The following SVIL variants were observed in gnomAD, a reference collection of about 807,000 sequenced individuals.
The protein encoded by SVIL is archvillin.
A neutral mutation model predicts 240.4 loss-of-function variants in SVIL; 101 were observed. That is an observed-to-expected ratio of 0.42 (90% CI 0.36 to 0.50). The LOEUF (loss-of-function observed/expected upper bound fraction) is 0.50. Among genes scored for constraint, SVIL ranks in the 20% least tolerant of loss-of-function variants. SVIL has a pLI of 0.01. For synonymous variants in SVIL, 999 were observed against 1,100.0 expected (o/e 0.91, Z 1.82); for missense variants, 2,512 against 2,818.7 (o/e 0.89, Z 2.46).
chr10:29,649,678 A>G (rs1330666356), intron 3 of SVIL, among the ~76,000 whole-genome samples: 1 of 152,212 alleles, frequency 6.6e-6, no homozygotes, highest in Non-Finnish European at 1.5e-5. Flanking sequence ...GTACACACAC[A>G]CACACACATC....
intron 1 of SVIL, among the ~76,000 whole-genome samples, chr10:29,716,523 A>T (rs1174147395): frequency 2.0e-5 from 3 of 152,232 alleles, no homozygotes; most frequent in African/African-American, 7.2e-5. Context: ...GTGGCAGAGC[A>T]AAAGGAGAAA....
chr10:29,698,778 A>G (rs1962282049), intron 1 of SVIL, among the ~76,000 whole-genome samples: 1 of 152,080 alleles, frequency 6.6e-6, no homozygotes, highest in Non-Finnish European at 1.5e-5. Flanking sequence ...AAAGAAGTCT[A>G]GGCGCTAGGT....
At chr10:29,713,113 T>C (rs964434045) in intron 1 of SVIL, among the ~76,000 whole-genome samples, 3 of 151,978 alleles carry the variant, frequency 2.0e-5, no homozygotes, top group Non-Finnish European at 2.9e-5. Flanking sequence ...TGGGAGGCAG[T>C]TGCAGTGAGC....
At chr10:29,677,518 A>G (rs1409164108) in intron 2 of SVIL, among the ~76,000 whole-genome samples, 1 of 152,072 alleles carries the variant, frequency 6.6e-6, no homozygotes, top group East Asian at 1.9e-4. Context: ...CATGCAATGG[A>G]GCCCACGTAA....
Position 29,552,140 on chromosome 10 carries a change from A to C in SVIL, c.161-877T>G, listed in dbSNP as rs1189472652. On this transcript the variant is annotated intron_variant, in intron 5 of 37. Coordinates refer to ENST00000355867, the MANE Select transcript of SVIL (RefSeq NM_021738.3). ...CTCAAAAAACAAAACAAAAAAAAAA[A>C]CCTATCAATCATCACCCTACAAACT... 3.3e-5 allele frequency among the ~76,000 whole-genome samples: 5 copies of C among 149,932 alleles called. No homozygotes were observed. The South Asian group carries it at 6.4e-4, about 19-fold the overall frequency.
At chr10:29,586,396 T>G (rs1470886214) in intron 1 of SVIL, among the ~76,000 whole-genome samples, 1 of 152,182 alleles carries the variant, frequency 6.6e-6, no homozygotes. Flanking sequence ...TGATCACTAG[T>G]GATTGCCCAC....
intron 1 of SVIL, among the ~76,000 whole-genome samples, chr10:29,578,492 A>G (rs2132754513): frequency 6.6e-6 from 1 of 152,344 alleles, no homozygotes; most frequent in East Asian, 1.9e-4. Flanking sequence ...ATGGTCACCA[A>G]GATCCTTGAT....
chr10:29,644,405 A>G lies in SVIL; in HGVS notation c.-201+13564T>C, dbSNP rs377569993. On this transcript the variant is annotated intron_variant, in intron 3 of 35. Transcript: ENST00000375400. Reference sequence around the variant, plus strand: ...CTCTGAGCATGTTCTCCCAGCCCCAAGGACCGAGAAACCCCACATCCCCTG... The same window carrying G: ...CTCTGAGCATGTTCTCCCAGCCCCAGGGACCGAGAAACCCCACATCCCCTG... Among the ~76,000 whole-genome samples, 5 of 152,166 alleles carry G rather than the reference A, an allele frequency of 3.3e-5. No individual in the cohort carries two copies. The East Asian group carries it at 5.8e-4, about 18-fold the overall frequency.
intron 1 of SVIL, among the ~76,000 whole-genome samples, chr10:29,733,971 A>G (rs1292039787): frequency 3.3e-5 from 5 of 152,220 alleles, no homozygotes; most frequent in African/African-American, 1.2e-4. Context: ...GTGGGCCATT[A>G]TTTCCAAAGC....
At chr10:29,535,568 A>C (rs961783376) in intron 7 of SVIL, among the ~76,000 whole-genome samples, 5 of 152,128 alleles carry the variant, frequency 3.3e-5, no homozygotes, top group Non-Finnish European at 7.4e-5. Flanking sequence ...AGAGATGAGG[A>C]GATATGAAAG....
chr10:29,571,288 C>T (rs1434522304), intron 1 of SVIL, among the ~76,000 whole-genome samples: 3 of 152,230 alleles, frequency 2.0e-5, no homozygotes, highest in African/African-American at 2.4e-5. Flanking sequence ...AGTGATGGGA[C>T]GTGGGTGATG....
chr10:29,532,525 C>T lies in SVIL; in HGVS notation c.1838+4G>A. ...AGCTGGAGGGCGTGTGAAGCATCAC[C>T]TACAGTTCAGGTCTCCTGCAGGCGT... On this transcript the variant is annotated splice_donor_region_variant and intron_variant, in intron 8 of 37. Coordinates refer to ENST00000355867, the MANE Select transcript of SVIL (RefSeq NM_021738.3). 6.2e-7 allele frequency: 1 copy of T among 1,602,700 alleles called. No individual in the cohort carries two copies. Among genetic ancestry groups the T allele is most frequent in the Non-Finnish European group, 8.5e-7 (1 of 1,171,780 alleles).
intron 2 of SVIL, among the ~76,000 whole-genome samples, chr10:29,681,836 G>T (rs1299417164): frequency 6.6e-6 from 1 of 152,116 alleles, no homozygotes; most frequent in African/African-American, 2.4e-5. Context: ...TGTCGCATTT[G>T]TTTATTTCAA....
intron 1 of SVIL, among the ~76,000 whole-genome samples, chr10:29,597,621 A>G (rs985869950): frequency 1.3e-5 from 2 of 151,984 alleles, no homozygotes; most frequent in Non-Finnish European, 2.9e-5. Context: ...GCTGGTCTCG[A>G]ACTCCTGACC....
In SVIL at chr10:29,495,644, C is replaced by T. The variant is rs1327789979; in HGVS notation, c.3665-463G>A. ...AGTGGCCCTGGGGACATGACACAGA[C>T]AGTAACCCAAGGAGGGCCAACCTTT... is the stretch of plus-strand genomic sequence containing the variant. On this transcript the variant is annotated intron_variant, in intron 18 of 37. Coordinates refer to ENST00000355867, the MANE Select transcript of SVIL (RefSeq NM_021738.3). Among the ~76,000 whole-genome samples, 4 of 152,186 alleles carry T rather than the reference C, an allele frequency of 2.6e-5. 1 individual carries two copies. The highest frequency in any genetic ancestry group is 5.9e-5 in the Non-Finnish European group (4 of 68,040).
chr10:29,684,447 G>A (rs964174782), intron 2 of SVIL, among the ~76,000 whole-genome samples: 1 of 152,136 alleles, frequency 6.6e-6, no homozygotes, highest in Non-Finnish European at 1.5e-5. Context: ...CAACTTGGGG[G>A]GTGGGGGCTT....
intron 22 of SVIL, 122 bp downstream of exon 22, chr10:29,490,725 C>T (rs1947877712): frequency 3.3e-6 from 4 of 1,219,568 alleles, no homozygotes; most frequent in East Asian, 4.9e-5. Context: ...CTCCTTTTTA[C>T]TTCATGAGGG....
intron 3 of SVIL, among the ~76,000 whole-genome samples, chr10:29,645,270 G>A (rs2132992169): frequency 6.6e-6 from 1 of 152,094 alleles, no homozygotes; most frequent in African/African-American, 2.4e-5. Flanking sequence ...ACAATGAGGG[G>A]GAAAAAAAGA....
chr10:29,569,195 A>C (rs1807233976), intron 2 of SVIL, 60 bp downstream of exon 2: 1 of 830,726 alleles, frequency 1.2e-6, no homozygotes, highest in South Asian at 5.5e-5. Context: ...CAAGAGAATA[A>C]TTTTAAAAGC....
Sources: gnomAD v4.1 joint callset for allele counts (sites outside exome capture counted in the v4.1 genomes callset) on GRCh38, gnomAD v4.1.1 for gene constraint, MANE v1.5 for transcripts, NCBI Gene and HGNC (gene_info 2026-07-23, HGNC 2026-07-21) for gene names.